Variants in ZNF37A observed in about 807,000 individuals in gnomAD.
ZNF37A encodes the protein zinc finger protein 37A.
Under a neutral mutation model 12.3 loss-of-function variants are expected in ZNF37A, and 10 were observed. The ratio of observed to expected loss-of-function variants is 0.82; its 90% CI spans 0.50 to 1.38. ZNF37A has a LOEUF of 1.38. Ranked by LOEUF, ZNF37A falls within the 40% of genes most tolerant of loss-of-function variation. The probability of loss-of-function intolerance (pLI) is 0.00; values close to 1 mark genes in which losing one functional copy is unlikely to be tolerated. For synonymous variants in ZNF37A, 207 were observed against 223.0 expected (o/e 0.93, Z 0.64); for missense variants, 580 against 651.2 (o/e 0.89, Z 1.19).
intron 7 of ZNF37A, chr10:38,143,644 T>A (rs555353172): frequency 6.6e-6 from 1 of 152,328 alleles, no homozygotes; most frequent in African/African-American, 2.4e-5. Flanking sequence ...ATTTATGAAC[T>A]GTCAGGAAGG....
At chr10:38,129,319 A>AAAAAT, downstream of ZNF37A, among the ~76,000 whole-genome samples, 1 of 116,228 alleles carries the variant, frequency 8.6e-6, no homozygotes, top group African/African-American at 3.6e-5. Context: ...AAAAAAAAAA[A>AAAAAT]AAACTATTAT....
chr10:38,102,861 A>C (rs1419138556), intron 5 of ZNF37A, among the ~76,000 whole-genome samples: 1 of 152,034 alleles, frequency 6.6e-6, no homozygotes, highest in African/African-American at 2.4e-5. Flanking sequence ...TGGTACTTTA[A>C]AGGTGCCATT....
At position 38,112,793 on chromosome 10, in the gene ZNF37A, T is replaced by TTCTTGTCTTGTCTTGTCTTGTCTTG. The variant is rs1224905450; in HGVS notation, c.16-1943_16-1942insGTCTTGTCTTGTCTTGTCTTGTCTT. On this transcript the variant is annotated intron_variant, in intron 5 of 7. Transcript: ENST00000685332. Reference sequence around the variant, plus strand: ...TTCTTTTCTTTTCTTTTCTTTTCTTTTCTTGTCTTGTCTTGTCTTCTTTTC... The same window carrying TTCTTGTCTTGTCTTGTCTTGTCTTG: ...TTCTTTTCTTTTCTTTTCTTTTCTTTTCTTGTCTTGTCTTGTCTTGTCTTGTCTTGTCTTGTCTTGTCTTCTTTTC... Among the ~76,000 whole-genome samples the TTCTTGTCTTGTCTTGTCTTGTCTTG allele has an allele frequency of 3.5e-4, 17 of 48,768 alleles. 1 individual carries two copies. The highest frequency in any genetic ancestry group is 1.3e-3 in the Admixed American group (5 of 3,776). 32.0% of individuals were successfully genotyped at this position (48,768 alleles called of 152,430 possible). A position where few individuals can be genotyped will look rare whatever the true frequency, so the allele number is the denominator to read the frequency against.
At position 38,118,617 on chromosome 10, in the gene ZNF37A, A is replaced by T; in HGVS notation, c.1466A>T (p.His489Leu). ...KSALIVHQRT[H>L]IRQKPYGCNQ... ...GCCCTAATTGTTCACCAGAGAACTC[A>T]TATAAGACAGAAACCCTATGGATGT... The change falls in exon 8 of 8, where the codon CAT becomes CTT. Residue 489 changes from histidine to leucine, a missense_variant. Physicochemically the swap from His to Leu is moderately conservative, Grantham distance 99. Coordinates refer to ENST00000685332, the MANE Select transcript of ZNF37A (RefSeq NM_001324250.3). 1.2e-6 allele frequency: 2 copies of T among 1,605,822 alleles called. No homozygotes were observed. The highest frequency in any genetic ancestry group is 2.2e-5 in the South Asian group (2 of 90,996).
At chr10:38,127,344 C>G (rs529121695), downstream of ZNF37A, among the ~76,000 whole-genome samples, 3 of 152,304 alleles carry the variant, frequency 2.0e-5, no homozygotes, top group East Asian at 5.8e-4. Flanking sequence ...TTCACTTACG[C>G]TAACCACTTT....
rs752294302 is a variant in ZNF37A at position 38,114,887 on chromosome 10, T to C, written c.142+6T>C. 1.2e-6 allele frequency: 2 copies of C among 1,606,074 alleles called. No homozygotes were observed. The highest frequency in any genetic ancestry group is 1.3e-5 in the African/African-American group (1 of 74,462). On this transcript the variant is annotated splice_donor_region_variant and intron_variant, in intron 6 of 7. Coordinates refer to ENST00000685332, the MANE Select transcript of ZNF37A (RefSeq NM_001324250.3). ...CAGCCACCTTGTCTCAGTAGGTAGG[T>C]AGGAATTGTTTCCCATGTAGAAGGC...
rs2069183300 is a variant in ZNF37A, at chr10:38,115,309, G to C, written c.238+19G>C. ...CATCTGGGTGAGTTAGTATGTGCCA[G>C]ATGGAATTTAAAGGAAGGTAGATCA... On this transcript the variant is annotated intron_variant, in intron 7 of 7. Transcript: ENST00000685332. 1 of 1,610,298 alleles carries C rather than the reference G, an allele frequency of 6.2e-7. No homozygotes were observed. Among genetic ancestry groups the C allele is most frequent in the Admixed American group, 1.7e-5 (1 of 59,194 alleles).
intron 7 of ZNF37A, among the ~76,000 whole-genome samples, chr10:38,132,751 G>C (rs1194216045): frequency 6.6e-6 from 1 of 151,818 alleles, no homozygotes; most frequent in African/African-American, 2.4e-5. Flanking sequence ...TTTCTTTATG[G>C]AGATGTAACC....
In ZNF37A at chr10:38,118,033, A is replaced by G. The variant is rs746471571; in HGVS notation, c.882A>G (p.Thr294=). 3 of 1,613,866 alleles carry G rather than the reference A, an allele frequency of 1.9e-6. No homozygotes were observed. The highest frequency in any genetic ancestry group is 1.1e-5 in the South Asian group (1 of 91,070). ...SAHTRHQRTH[T]GGKPYECHEC... ...ACACAAGACATCAGAGAACACACAC[A>G]GGGGGAAAACCCTATGAATGTCATG... is the stretch of plus-strand genomic sequence containing the variant. Residue 294 remains threonine (T), a synonymous_variant, in exon 8 of 8, where the codon ACA becomes ACG. Coordinates refer to ENST00000685332, the MANE Select transcript of ZNF37A (RefSeq NM_001324250.3).
chr10:38,137,441 C>T (rs2070121729), intron 7 of ZNF37A: 1 of 152,194 alleles, frequency 6.6e-6, no homozygotes, highest in South Asian at 2.1e-4. Context: ...ACTTTTTAGT[C>T]TCCAAAAACA....
exon 8 of ZNF37A, chr10:38,148,122 C>T (rs567798797): frequency 6.6e-6 from 1 of 152,124 alleles, no homozygotes; most frequent in South Asian, 2.1e-4. Context: ...GCACCCTGCC[C>T]CCAGCTCCTA....
intron 5 of ZNF37A, 144 bp downstream of exon 5, chr10:38,096,776 C>A: frequency 1.4e-6 from 1 of 725,576 alleles, no homozygotes; most frequent in Non-Finnish European, 2.2e-6. Context: ...CAAATGCAGC[C>A]TGCCGCATGT....
chr10:38,103,960 C>G (rs568685620), intron 5 of ZNF37A, among the ~76,000 whole-genome samples: 1 of 152,312 alleles, frequency 6.6e-6, no homozygotes, highest in Admixed American at 6.5e-5. Flanking sequence ...TTACTTCCTG[C>G]TTACACAGAG....
rs2069192318 is a variant in ZNF37A at position 38,115,418 on chromosome 10, T to A, written c.238+128T>A. The A allele has an allele frequency of 5.1e-6, 7 of 1,378,876 alleles. 1 individual carries two copies. In the South Asian group the frequency reaches 1.1e-4, roughly 22 times the overall value. 85.4% of individuals were successfully genotyped at this position (1,378,876 alleles called of 1,614,324 possible). On this transcript the variant is annotated intron_variant, in intron 7 of 7. Transcript: ENST00000685332. ...AGGCTCCAGACCTTTGGAAGTAACA[T>A]GTTGACGTGACCCAAATATGCAGTG...
Position 38,096,637 on chromosome 10 carries a change from G to A in ZNF37A, c.15+5G>A. On this transcript the variant is annotated splice_donor_5th_base_variant and intron_variant, in intron 5 of 7. Transcript: ENST00000685332. ...TGGAAGATGATCACATCCCAGGTAA[G>A]TTGTTTATTTTTTCACCGTTTTGCT... 2.5e-6 allele frequency: 4 copies of A among 1,612,446 alleles called. No individual in the cohort carries two copies. Among genetic ancestry groups the A allele is most frequent in the Middle Eastern group, 1.7e-4 (1 of 6,060 alleles).
chr10:38,119,054 G>A lies in ZNF37A; in HGVS notation c.*217G>A. On this transcript the variant is annotated 3_prime_UTR_variant, in exon 8 of 8. Transcript: ENST00000685332. ...AACTAAAAGTGGAAAAAACTTATTG[G>A]TGAATGAATATAGGAAACATTTTGC... is the stretch of plus-strand genomic sequence containing the variant. The A allele has an allele frequency of 8.1e-7, 1 of 1,239,662 alleles. No individual in the cohort carries two copies. The highest frequency in any genetic ancestry group is 3.3e-5 in the East Asian group (1 of 30,176). 76.8% of individuals were successfully genotyped at this position (1,239,662 alleles called of 1,614,324 possible).
chr10:38,116,289 C>G (rs751338910), intron 7 of ZNF37A, among the ~76,000 whole-genome samples: 8 of 152,066 alleles, frequency 5.3e-5, no homozygotes, highest in Non-Finnish European at 8.8e-5. Flanking sequence ...AAAAACAGAA[C>G]TGCATGAAAT....
At chr10:38,101,515 CCTTGAAATT>C (rs776473442) in intron 5 of ZNF37A, among the ~76,000 whole-genome samples, 6 of 151,876 alleles carry the variant, frequency 4.0e-5, no homozygotes, top group Non-Finnish European at 7.4e-5. Context: ...AGTTGAGATA[CCTTGAAATT>C]CCATGTTAAC....
At chr10:38,117,131 C>A (rs12258848) in intron 7 of ZNF37A, 73,654 of 954,714 alleles carry the variant, frequency 0.077, 2,897 homozygotes, top group East Asian at 0.16. Context: ...ACCACCACCA[C>A]CAACAACAAC....
Sources: gnomAD v4.1 joint callset for allele counts (sites outside exome capture counted in the v4.1 genomes callset) on GRCh38, gnomAD v4.1.1 for gene constraint, MANE v1.5 for transcripts, NCBI Gene and HGNC (gene_info 2026-07-23, HGNC 2026-07-21) for gene names.